NYAP2: variants seen among roughly 807,000 people sequenced by gnomAD.
The protein encoded by NYAP2 is neuronal tyrosine-phosphorylated phosphoinositide-3-kinase adapter 2.
NYAP2 carries 23 observed loss-of-function variants against 50.4 expected under a neutral mutation model. The ratio of observed to expected loss-of-function variants is 0.46; its 90% CI spans 0.33 to 0.65. The LOEUF is 0.65. Among genes scored for constraint, NYAP2 ranks in the 30% least tolerant of loss-of-function variants. The probability of loss-of-function intolerance (pLI) is 0.02; values close to 1 mark genes in which losing one functional copy is unlikely to be tolerated. For synonymous variants in NYAP2, 394 were observed against 365.2 expected, an observed-to-expected ratio of 1.08 and a Z score of -0.90; for missense variants, 885 against 861.0, an observed-to-expected ratio of 1.03 and a Z score of -0.35.
At chr2:225,623,197 A>G (rs1053883833) in intron 5 of NYAP2, among the ~76,000 whole-genome samples, 1 of 152,222 alleles carries the variant, frequency 6.6e-6, no homozygotes, top group Non-Finnish European at 1.5e-5. Context: ...GGCAAAGGCT[A>G]TTTATTCAGA....
intron 5 of NYAP2, among the ~76,000 whole-genome samples, chr2:225,620,126 A>AATC (rs1472757039): frequency 6.6e-6 from 1 of 152,206 alleles, no homozygotes; most frequent in African/African-American, 2.4e-5. Context: ...ATGTTACTAA[A>AATC]ATCAATTTTG....
At chr2:225,460,333 A>G (rs780914501) in intron 3 of NYAP2, among the ~76,000 whole-genome samples, 1 of 152,182 alleles carries the variant, frequency 6.6e-6, no homozygotes, top group Non-Finnish European at 1.5e-5. Context: ...TTTACTGATT[A>G]CTTTGATAAA....
chr2:225,442,654 C>A (rs1689489235), intron 3 of NYAP2, among the ~76,000 whole-genome samples: 1 of 152,256 alleles, frequency 6.6e-6, no homozygotes, highest in African/African-American at 2.4e-5. Context: ...CGGCTCACTG[C>A]ATCCTCTGCC....
At chr2:225,402,433 C>G (rs1199817474) in intron 2 of NYAP2, among the ~76,000 whole-genome samples, 1 of 151,958 alleles carries the variant, frequency 6.6e-6, no homozygotes, top group South Asian at 2.1e-4. Flanking sequence ...ACCATTTGGC[C>G]CAAGCCTCCA....
At chr2:225,504,119 A>G (rs761965138) in intron 3 of NYAP2, among the ~76,000 whole-genome samples, 5 of 152,180 alleles carry the variant, frequency 3.3e-5, no homozygotes, top group Admixed American at 6.5e-5. Context: ...GCCTCCTGTC[A>G]TAGTACACTC....
At chr2:225,655,625 A>C (rs1208432781), downstream of NYAP2, among the ~76,000 whole-genome samples, 1 of 152,168 alleles carries the variant, frequency 6.6e-6, no homozygotes, top group Non-Finnish European at 1.5e-5. Flanking sequence ...GGTGATGCTC[A>C]TGTGATTCCT....
intron 5 of NYAP2, among the ~76,000 whole-genome samples, chr2:225,587,153 G>A (rs752685871): frequency 2.4e-4 from 36 of 152,134 alleles, no homozygotes; most frequent in Non-Finnish European, 4.1e-4. Context: ...CCCTTAACAC[G>A]TGTGGATTAT....
chr2:225,572,928 T>C (rs1269694252), intron 4 of NYAP2, among the ~76,000 whole-genome samples: 2 of 152,150 alleles, frequency 1.3e-5, no homozygotes, highest in Non-Finnish European at 2.9e-5. Flanking sequence ...ATATATATAT[T>C]AATACCTTGT....
intron 5 of NYAP2, among the ~76,000 whole-genome samples, chr2:225,602,383 TTA>T (rs1692707101): frequency 1.3e-5 from 2 of 152,120 alleles, no homozygotes; most frequent in South Asian, 4.1e-4. Flanking sequence ...TGGGATTTGT[TTA>T]TCTGGGTTCA....
chr2:225,486,648 C>T (rs1690303572), intron 3 of NYAP2, among the ~76,000 whole-genome samples: 1 of 152,198 alleles, frequency 6.6e-6, no homozygotes, highest in South Asian at 2.1e-4. Context: ...CATCTAAATT[C>T]ATTGTACTCG....
At chr2:225,518,602 AT>A (rs1211336798) in intron 4 of NYAP2, among the ~76,000 whole-genome samples, 3 of 139,170 alleles carry the variant, frequency 2.2e-5, no homozygotes, top group South Asian at 2.2e-4. Context: ...ATATATATAT[AT>A]ATTAGCTTGT....
At chr2:225,647,060 AG>A (rs1693647648) in intron 6 of NYAP2, among the ~76,000 whole-genome samples, 1 of 152,204 alleles carries the variant, frequency 6.6e-6, no homozygotes, top group Admixed American at 6.5e-5. Flanking sequence ...TGATCTGGTT[AG>A]ATAATCTTTT....
At chr2:225,447,895 C>A (rs1689586650) in intron 3 of NYAP2, among the ~76,000 whole-genome samples, 1 of 152,158 alleles carries the variant, frequency 6.6e-6, no homozygotes, top group Non-Finnish European at 1.5e-5. Flanking sequence ...AGCAGCTGTT[C>A]AAACAAATAT....
At chr2:225,565,376 C>A (rs1039857983) in intron 4 of NYAP2, among the ~76,000 whole-genome samples, 1 of 152,066 alleles carries the variant, frequency 6.6e-6, no homozygotes, top group African/African-American at 2.4e-5. Flanking sequence ...CAAAGTAAAT[C>A]CATTTCTATT....
intron 5 of NYAP2, among the ~76,000 whole-genome samples, chr2:225,601,513 G>A (rs1015960524): frequency 6.6e-6 from 1 of 152,082 alleles, no homozygotes; most frequent in Non-Finnish European, 1.5e-5. Flanking sequence ...CACCAGCAAT[G>A]CACAAAAGTT....
intron 5 of NYAP2, among the ~76,000 whole-genome samples, chr2:225,611,899 TATACACACACAC>T (rs1386694806): frequency 9.7e-6 from 1 of 102,746 alleles, no homozygotes; most frequent in Non-Finnish European, 1.9e-5. Flanking sequence ...TGTGTGTGTG[TATACACACACAC>T]ACACACACAC....
rs144007524 is a variant in NYAP2, at chr2:225,565,510, G to C, written c.524-16431G>C. 2.2e-4 allele frequency among the ~76,000 whole-genome samples: 34 copies of C among 152,208 alleles called. No homozygotes were observed. The East Asian group carries it at 6.0e-3, about 27-fold the overall frequency. On this transcript the variant is annotated intron_variant, in intron 4 of 6. Transcript: ENST00000636099. ...ACTCATTTTACAATTTCCCAGAGCT[G>C]GTAGATTCTTTGGTATTGGCAGCAT...
At chr2:225,494,642 C>A (rs1263548247) in intron 3 of NYAP2, among the ~76,000 whole-genome samples, 1 of 152,174 alleles carries the variant, frequency 6.6e-6, no homozygotes, top group African/African-American at 2.4e-5. Flanking sequence ...TATAGGCCTT[C>A]CATACGCTTT....
intron 3 of NYAP2, among the ~76,000 whole-genome samples, chr2:225,437,707 G>A (rs543329053): frequency 2.3e-4 from 35 of 152,294 alleles, no homozygotes; most frequent in Non-Finnish European, 4.6e-4. Context: ...TGTGCTTCAC[G>A]TAAACATCTG....
Sources: allele counts gnomAD v4.1 joint callset (sites outside exome capture counted in the v4.1 genomes callset), GRCh38; gene constraint gnomAD v4.1.1; transcripts MANE v1.5; gene names NCBI Gene and HGNC (gene_info 2026-07-23, HGNC 2026-07-21).